Variants in HS3ST3B1 observed in about 807,000 individuals in gnomAD.
HS3ST3B1 encodes the protein heparan sulfate glucosamine 3-O-sulfotransferase 3B1.
A neutral mutation model predicts 21.3 loss-of-function variants in HS3ST3B1; 13 were observed. The observed-to-expected ratio is 0.61, with a 90% confidence interval of 0.40 to 0.97. The LOEUF is 0.97. Ranked by LOEUF, HS3ST3B1 falls within the 50% of genes least tolerant of loss-of-function variation. The probability of loss-of-function intolerance (pLI) is 0.00; values close to 1 mark genes in which losing one functional copy is unlikely to be tolerated. For missense variants in HS3ST3B1, 459 were observed against 554.8 expected, an observed-to-expected ratio of 0.83 and a Z score of 1.73; for synonymous variants, 234 against 254.8, an observed-to-expected ratio of 0.92 and a Z score of 0.78.
Position 14,346,479 on chromosome 17 carries a change from G to A in HS3ST3B1, c.*833G>A, listed in dbSNP as rs151119500. 12,824 of 151,928 alleles carry A rather than the reference G, an allele frequency of 0.084. 699 individuals are homozygous for A. The highest frequency in any genetic ancestry group is 0.22 in the East Asian group (1,141 of 5,138). The allele number at this position is 151,928 out of a possible 1,614,324, so 9.4% of individuals were successfully genotyped here. ...TTGGTCAGGCTGGTATCAAACTCCC[G>A]ACCTCAGGTGATCCGCCTGCCTTGG... On this transcript the variant is annotated 3_prime_UTR_variant, in exon 2 of 2. Coordinates refer to ENST00000360954, the MANE Select transcript of HS3ST3B1 (RefSeq NM_006041.3).
At chr17:14,325,571 A>G (rs894209675) in intron 1 of HS3ST3B1, among the ~76,000 whole-genome samples, 3 of 152,228 alleles carry the variant, frequency 2.0e-5, no homozygotes, top group African/African-American at 7.2e-5. Context: ...AAAGTTGCAG[A>G]GTCTCTCAAA....
intron 1 of HS3ST3B1, among the ~76,000 whole-genome samples, chr17:14,320,245 G>T (rs557839584): frequency 8.5e-5 from 13 of 152,214 alleles, no homozygotes; most frequent in African/African-American, 2.9e-4. Context: ...TACAGAGGGA[G>T]AATTTCAATC....
At chr17:14,309,111 G>A (rs1490787620) in intron 1 of HS3ST3B1, among the ~76,000 whole-genome samples, 1 of 152,250 alleles carries the variant, frequency 6.6e-6, no homozygotes, top group Non-Finnish European at 1.5e-5. Flanking sequence ...CTCCTTTCGG[G>A]AGCTAGGGGG....
At chr17:14,313,410 C>G (rs1210907766) in intron 1 of HS3ST3B1, among the ~76,000 whole-genome samples, 1 of 152,030 alleles carries the variant, frequency 6.6e-6, no homozygotes, top group Non-Finnish European at 1.5e-5. Flanking sequence ...TGCATTGCTT[C>G]TCTGCAGGAC....
In HS3ST3B1 at chr17:14,301,675, G is replaced by C; in HGVS notation, c.157G>C (p.Gly53Arg). ...CTATATGTTCCTGTACTCGTGCGCC[G>C]GCTCCTGCGCCGCCGCGCCGGGGCT... ...WLYMFLYSCA[G>R]SCAAAPGLLL... The change falls in exon 1 of 2, where the codon GGC becomes CGC. Residue 53 changes from glycine to arginine, a missense_variant. Transcript: ENST00000360954. 1 of 1,601,978 alleles carries C rather than the reference G, an allele frequency of 6.2e-7. No homozygotes were observed. Among genetic ancestry groups the C allele is most frequent in the Non-Finnish European group, 8.5e-7 (1 of 1,176,260 alleles).
chr17:14,336,512 G>T (rs150398738), intron 1 of HS3ST3B1, among the ~76,000 whole-genome samples: 7 of 152,242 alleles, frequency 4.6e-5, no homozygotes, highest in African/African-American at 1.7e-4. Context: ...GTATTTAAGA[G>T]CCCCAGCAAG....
chr17:14,335,964 A>G (rs1481405457), intron 1 of HS3ST3B1, among the ~76,000 whole-genome samples: 1 of 152,226 alleles, frequency 6.6e-6, no homozygotes, highest in Non-Finnish European at 1.5e-5. Context: ...TTTTTACTAT[A>G]TCTAAGTTAA....
In HS3ST3B1 at chr17:14,345,197, C is replaced by T; in HGVS notation, c.724C>T (p.Leu242=). The change falls in exon 2 of 2, where the codon CTG becomes TTG. Residue 242 remains leucine (L), a synonymous_variant. Transcript: ENST00000360954. ...GGCCATCTCGGACTACACGCAGACG[C>T]TGTCCAAGCGGCCCGACATCCCCAC... The part of the protein sequence containing the change: ...TRAISDYTQT[L]SKRPDIPTFE... 6.5e-7 allele frequency: 1 copy of T among 1,530,222 alleles called. No homozygotes were observed. Among genetic ancestry groups the T allele is most frequent in the Non-Finnish European group, 9.0e-7 (1 of 1,116,374 alleles). 94.8% of individuals were successfully genotyped at this position (1,530,222 alleles called of 1,614,324 possible). A position where few individuals can be genotyped will look rare whatever the true frequency, so the allele number is the denominator to read the frequency against.
At position 14,337,886 on chromosome 17, in the gene HS3ST3B1, AT is replaced by A. The variant is rs529454704; in HGVS notation, c.555-7141del. 3.3e-5 allele frequency among the ~76,000 whole-genome samples: 5 copies of A among 151,856 alleles called. No homozygotes were observed. The East Asian group carries it at 9.6e-4, about 29-fold the overall frequency. On this transcript the variant is annotated intron_variant, in intron 1 of 1. Coordinates refer to ENST00000360954, the MANE Select transcript of HS3ST3B1 (RefSeq NM_006041.3). ...ACATAGTATCTCCACTTAGGTGCAC[AT>A]GAATATCAGCAGAATACATGACTAG...
At position 14,301,596 on chromosome 17, in the gene HS3ST3B1, G is replaced by C. The variant is rs781704731; in HGVS notation, c.78G>C (p.Pro26=). The change falls in exon 1 of 2, where the codon CCG becomes CCC. Residue 26 remains proline, a synonymous_variant. Coordinates refer to ENST00000360954, the MANE Select transcript of HS3ST3B1 (RefSeq NM_006041.3). The stretch of plus-strand genomic sequence containing the variant: ...TCCTACCGCAGCCGCCGCCGCCCCC[G>C]CCGCCGGTGAGGAGGAAGCTCGCGC... The part of the protein sequence containing the change: ...GRLLPQPPPP[P]PPVRRKLALL... 66 of 1,602,774 alleles carry C rather than the reference G, an allele frequency of 4.1e-5. No homozygotes were observed. In the East Asian group the frequency reaches 1.1e-3, roughly 26 times the overall value.
chr17:14,301,216 C>A lies in HS3ST3B1; in HGVS notation c.-303C>A. ...GGCCAGGGCGCGAGAGTGCAACGTC[C>A]TCCTGGCCCCGAGCGCGTCGTCGCG... On this transcript the variant is annotated 5_prime_UTR_variant, in exon 1 of 2. Coordinates refer to ENST00000360954, the MANE Select transcript of HS3ST3B1 (RefSeq NM_006041.3). 1 of 430,708 alleles carries A rather than the reference C, an allele frequency of 2.3e-6. No homozygotes were observed. The highest frequency in any genetic ancestry group is 4.0e-6 in the Non-Finnish European group (1 of 250,842). 26.7% of individuals were successfully genotyped at this position (430,708 alleles called of 1,614,324 possible).
intron 1 of HS3ST3B1, among the ~76,000 whole-genome samples, chr17:14,316,806 T>A (rs932679874): frequency 1.3e-5 from 2 of 152,208 alleles, no homozygotes; most frequent in Admixed American, 6.5e-5. Context: ...TCAGATTAGG[T>A]GTCACTGGGG....
rs1441373686 is a variant in HS3ST3B1, at chr17:14,301,764, C to G, written c.246C>G (p.Asp82Glu). Reference sequence around the variant, plus strand: ...CGCCAGCCCTGGCCACAGCTCCGGACGGGACGCCCCCCAGGCTGCCGTTCC... The same window carrying G: ...CGCCAGCCCTGGCCACAGCTCCGGAGGGGACGCCCCCCAGGCTGCCGTTCC... Reference protein sequence around the residue: ...HDPPALATAPDGTPPRLPFRA... With the variant: ...HDPPALATAPEGTPPRLPFRA... The change falls in exon 1 of 2, where the codon GAC becomes GAG. Residue 82 changes from aspartate (D) to glutamate (E), a missense_variant. This residue lies in a region of HS3ST3B1 where 317 missense variants were observed against 278.6 expected (regional missense o/e 1.14). Coordinates refer to ENST00000360954, the MANE Select transcript of HS3ST3B1 (RefSeq NM_006041.3). The G allele has an allele frequency of 6.3e-7, 1 of 1,576,342 alleles. No homozygotes were observed. Among genetic ancestry groups the G allele is most frequent in the East Asian group, 2.3e-5 (1 of 43,558 alleles).
chr17:14,323,482 C>T (rs1909717812), intron 1 of HS3ST3B1, among the ~76,000 whole-genome samples: 3 of 152,160 alleles, frequency 2.0e-5, no homozygotes, highest in Non-Finnish European at 1.5e-5. Context: ...TGAATCAGGT[C>T]CATAGTCATT....
chr17:14,332,472 C>T (rs931261765), intron 1 of HS3ST3B1, among the ~76,000 whole-genome samples: 1 of 152,040 alleles, frequency 6.6e-6, no homozygotes, highest in Non-Finnish European at 1.5e-5. Flanking sequence ...GAAGCATCCT[C>T]TACCCTCCCC....
intron 1 of HS3ST3B1, among the ~76,000 whole-genome samples, chr17:14,329,761 A>G (rs1909948599): frequency 6.6e-6 from 1 of 152,212 alleles, no homozygotes; most frequent in African/African-American, 2.4e-5. Context: ...GAAAAATTAC[A>G]AGAAATCCAA....
intron 1 of HS3ST3B1, among the ~76,000 whole-genome samples, chr17:14,311,481 A>G (rs1210495453): frequency 6.6e-6 from 1 of 152,190 alleles, no homozygotes; most frequent in Non-Finnish European, 1.5e-5. Context: ...GTCTGCCACT[A>G]TCACCATCCT....
At chr17:14,308,510 T>C (rs546613350) in intron 1 of HS3ST3B1, among the ~76,000 whole-genome samples, 2 of 152,376 alleles carry the variant, frequency 1.3e-5, no homozygotes, top group African/African-American at 4.8e-5. Flanking sequence ...AAAGTTGTAC[T>C]GCACAGGTTT....
chr17:14,309,286 G>A (rs571136901), intron 1 of HS3ST3B1, among the ~76,000 whole-genome samples: 1 of 152,374 alleles, frequency 6.6e-6, no homozygotes, highest in South Asian at 2.1e-4. Context: ...GACAGATGGC[G>A]GAGCTTCCCA....
Sources: allele counts gnomAD v4.1 joint callset (sites outside exome capture counted in the v4.1 genomes callset), GRCh38; gene constraint gnomAD v4.1.1; regional missense constraint gnomAD v4.1.1; transcripts MANE v1.5; gene names NCBI Gene and HGNC (gene_info 2026-07-23, HGNC 2026-07-21).